ARFIP1: variants seen among roughly 807,000 people sequenced by gnomAD.
ARFIP1 encodes the protein arfaptin-1.
In ARFIP1, 24 loss-of-function variants were observed where a neutral mutation model predicts 42.5. The ratio of observed to expected loss-of-function variants is 0.57; its 90% CI spans 0.41 to 0.80. ARFIP1 has a LOEUF of 0.80. Among genes scored for constraint, ARFIP1 ranks in the 30% least tolerant of loss-of-function variants. ARFIP1 has a pLI of 0.00. For missense variants in ARFIP1, 354 were observed against 434.0 expected, an observed-to-expected ratio of 0.82 and a Z score of 1.64; for synonymous variants, 141 against 153.7, an observed-to-expected ratio of 0.92 and a Z score of 0.61.
chr4:152,803,290 A>G (rs1728567975), intron 1 of ARFIP1, among the ~76,000 whole-genome samples: 2 of 152,204 alleles, frequency 1.3e-5, no homozygotes, highest in Admixed American at 6.6e-5. Flanking sequence ...AATGGGTTAC[A>G]TTTATGACAT....
chr4:152,809,814 A>T (rs752115400), intron 1 of ARFIP1: 1 of 152,220 alleles, frequency 6.6e-6, no homozygotes, highest in African/African-American at 2.4e-5. Context: ...TACATTCTAC[A>T]TACAACTCAA....
chr4:152,833,612 TAA>T (rs1371339704), intron 2 of ARFIP1, among the ~76,000 whole-genome samples: 1 of 152,212 alleles, frequency 6.6e-6, no homozygotes, highest in Non-Finnish European at 1.5e-5. Flanking sequence ...GGAAATAACC[TAA>T]GTGTCTGTTA....
At position 152,788,676 on chromosome 4, in the gene ARFIP1, A is replaced by G. The variant is rs139757053; in HGVS notation, c.-10+8450A>G. On this transcript the variant is annotated intron_variant, in intron 1 of 8. Coordinates refer to ENST00000353617, the MANE Select transcript of ARFIP1 (RefSeq NM_001025595.3). ...ATCCTGGATGACAGAGCGAGACTCC[A>G]TCTCAAAAAAACAAAAACAAAAACA... is the stretch of plus-strand genomic sequence containing the variant. Among the ~76,000 whole-genome samples, 359 of 152,342 alleles carry G rather than the reference A, an allele frequency of 2.4e-3. 2 individuals are homozygous for G. The highest frequency in any genetic ancestry group is 8.2e-3 in the African/African-American group (339 of 41,586).
chr4:152,867,049 C>A (rs1457031048), intron 3 of ARFIP1, among the ~76,000 whole-genome samples: 1 of 139,256 alleles, frequency 7.2e-6, no homozygotes, highest in African/African-American at 3.0e-5. Context: ...ACATCCCAGA[C>A]GATGGGCAGC....
At chr4:152,851,516 A>G (rs1228204117) in intron 2 of ARFIP1, among the ~76,000 whole-genome samples, 1 of 152,246 alleles carries the variant, frequency 6.6e-6, no homozygotes, top group Non-Finnish European at 1.5e-5. Context: ...AGTAGATAGT[A>G]GATCCTGCAA....
At chr4:152,865,066 C>T (rs1454854026) in intron 3 of ARFIP1, among the ~76,000 whole-genome samples, 1 of 151,996 alleles carries the variant, frequency 6.6e-6, no homozygotes, top group Non-Finnish European at 1.5e-5. Flanking sequence ...TGCTGCATTA[C>T]ATTTTACAAA....
chr4:152,842,460 T>C (rs942613572), intron 2 of ARFIP1, among the ~76,000 whole-genome samples: 2 of 152,228 alleles, frequency 1.3e-5, no homozygotes, highest in Admixed American at 6.5e-5. Context: ...TCTAAGTCTC[T>C]AGCAAGGCAG....
intron 2 of ARFIP1, among the ~76,000 whole-genome samples, chr4:152,847,124 CTTTTTTTT>C (rs771661005): frequency 2.5e-5 from 1 of 40,556 alleles, no homozygotes; most frequent in Non-Finnish European, 4.5e-5. Flanking sequence ...TAGGTTTGTT[CTTTTTTTT>C]TTTTTTTTTT....
intron 2 of ARFIP1, among the ~76,000 whole-genome samples, chr4:152,860,584 G>C (rs1044477465): frequency 2.6e-5 from 4 of 152,160 alleles, no homozygotes; most frequent in African/African-American, 9.7e-5. Context: ...GTTGATAAGT[G>C]TTTTGCTTTC....
chr4:152,835,782 T>C (rs1027140685), intron 2 of ARFIP1, among the ~76,000 whole-genome samples: 2 of 152,232 alleles, frequency 1.3e-5, no homozygotes, highest in African/African-American at 4.8e-5. Flanking sequence ...AAGAGTTTTA[T>C]TTGGCTCACA....
In ARFIP1 at chr4:152,852,429, G is replaced by A. The variant is rs376103911; in HGVS notation, c.94-11177G>A. Among the ~76,000 whole-genome samples, 73 of 152,148 alleles carry A rather than the reference G, an allele frequency of 4.8e-4. 1 individual carries two copies. The East Asian group carries it at 0.013, about 28-fold the overall frequency. On this transcript the variant is annotated intron_variant, in intron 2 of 8. Transcript: ENST00000353617. ...GCGGATTGTCAGAGCTCAGGAGTTC[G>A]AGACCAGCCTGGGCAACACGGTGAA...
intron 3 of ARFIP1, among the ~76,000 whole-genome samples, chr4:152,869,905 T>C (rs564823164): frequency 6.6e-6 from 1 of 152,294 alleles, no homozygotes; most frequent in South Asian, 2.1e-4. Context: ...TTCTCAAACT[T>C]GGTTGTGTTT....
At chr4:152,831,124 A>G (rs1013909950) in intron 2 of ARFIP1, among the ~76,000 whole-genome samples, 2 of 152,248 alleles carry the variant, frequency 1.3e-5, no homozygotes, top group African/African-American at 4.8e-5. Context: ...TCAAGTTAGC[A>G]TCATTAGACT....
At chr4:152,872,233 A>G (rs1311071701) in intron 4 of ARFIP1, among the ~76,000 whole-genome samples, 6 of 152,196 alleles carry the variant, frequency 3.9e-5, no homozygotes, top group Admixed American at 2.0e-4. Context: ...GAAGACAGAT[A>G]AGTCACATGG....
At chr4:152,877,158 G>A (rs139785370) in intron 5 of ARFIP1, among the ~76,000 whole-genome samples, 6 of 152,258 alleles carry the variant, frequency 3.9e-5, no homozygotes, top group African/African-American at 1.4e-4. Flanking sequence ...CCCCTGAATG[G>A]TAGATCCACC....
intron 2 of ARFIP1, among the ~76,000 whole-genome samples, chr4:152,834,712 T>A (rs564953219): frequency 6.6e-6 from 1 of 152,328 alleles, no homozygotes; most frequent in African/African-American, 2.4e-5. Context: ...TGCCTGTGCC[T>A]TTTCCACACT....
chr4:152,892,648 GAGGTA>G (rs1327954025), intron 8 of ARFIP1, among the ~76,000 whole-genome samples: 1 of 152,168 alleles, frequency 6.6e-6, no homozygotes, highest in Middle Eastern at 3.2e-3. Flanking sequence ...GCAAAAGAAA[GAGGTA>G]AGGTATGTAA....
chr4:152,885,956 A>G lies in ARFIP1; in HGVS notation c.792-2177A>G, dbSNP rs59968292. ...TGGAGATTTTTGTTCACATTTATAGATTGAAAAACTGGAGCACAAAGAGAT... is the reference window on the plus strand; with the variant it reads ...TGGAGATTTTTGTTCACATTTATAGGTTGAAAAACTGGAGCACAAAGAGAT... On this transcript the variant is annotated intron_variant, in intron 7 of 8. Transcript: ENST00000353617. Among the ~76,000 whole-genome samples, 1,450 of 152,080 alleles carry G rather than the reference A, an allele frequency of 9.5e-3. 28 individuals are homozygous for G. Among genetic ancestry groups the G allele is most frequent in the African/African-American group, 0.033 (1,351 of 41,522 alleles).
chr4:152,905,587 C>G lies in ARFIP1; in HGVS notation c.967-4477C>G, dbSNP rs573654278. Among the ~76,000 whole-genome samples, 5 of 70,688 alleles carry G rather than the reference C, an allele frequency of 7.1e-5. No individual in the cohort carries two copies. In the East Asian group the frequency reaches 2.5e-3, roughly 35 times the overall value. 46.4% of individuals were successfully genotyped at this position (70,688 alleles called of 152,430 possible). Reference sequence around the variant, plus strand: ...TTTTTTTTTGAGATGGAGTTTCACTCTGTTGTCCAGGCTGGAGTGCAGTGG... The same window carrying G: ...TTTTTTTTTGAGATGGAGTTTCACTGTGTTGTCCAGGCTGGAGTGCAGTGG... On this transcript the variant is annotated intron_variant, in intron 8 of 8. Coordinates refer to ENST00000353617, the MANE Select transcript of ARFIP1 (RefSeq NM_001025595.3).
Sources: gnomAD v4.1 joint callset for allele counts (sites outside exome capture counted in the v4.1 genomes callset) on GRCh38, gnomAD v4.1.1 for gene constraint, MANE v1.5 for transcripts, NCBI Gene and HGNC (gene_info 2026-07-23, HGNC 2026-07-21) for gene names.